The following GPR158 variants were observed in gnomAD, a reference collection of about 807,000 sequenced individuals.
The protein encoded by GPR158 is G protein-coupled receptor 158.
Under a neutral mutation model 78.2 loss-of-function variants are expected in GPR158, and 30 were observed. The observed-to-expected ratio is 0.38, with a 90% CI of 0.29 to 0.52. The LOEUF (loss-of-function observed/expected upper bound fraction) is 0.52. Among genes scored for constraint, GPR158 ranks in the 20% least tolerant of loss-of-function variants. The pLI is 0.83. For synonymous variants in GPR158, 581 were observed against 591.1 expected, an observed-to-expected ratio of 0.98 and a Z score of 0.25; for missense variants, 1,463 against 1,523.5, an observed-to-expected ratio of 0.96 and a Z score of 0.66.
At chr10:25,547,430 A>G (rs1836676960) in intron 5 of GPR158, among the ~76,000 whole-genome samples, 1 of 151,870 alleles carries the variant, frequency 6.6e-6, no homozygotes, top group African/African-American at 2.4e-5. Context: ...TACGCTCCAC[A>G]CTCCGGAACT....
At chr10:25,370,055 T>C (rs1206790111) in intron 2 of GPR158, among the ~76,000 whole-genome samples, 1 of 149,544 alleles carries the variant, frequency 6.7e-6, no homozygotes, top group Middle Eastern at 3.4e-3. Context: ...GATTCTTCTC[T>C]CTTTTTTTCT....
chr10:25,295,531 A>G (rs1854498770), intron 2 of GPR158, among the ~76,000 whole-genome samples: 1 of 151,942 alleles, frequency 6.6e-6, no homozygotes, highest in South Asian at 2.1e-4. Flanking sequence ...CTCCTGCCTC[A>G]GCCTCCCGAG....
At chr10:25,580,465 TGA>T (rs1214590710) in intron 7 of GPR158, among the ~76,000 whole-genome samples, 1 of 152,184 alleles carries the variant, frequency 6.6e-6, no homozygotes, top group Non-Finnish European at 1.5e-5. Flanking sequence ...TCTCTCTCGC[TGA>T]GTTATATAAG....
intron 7 of GPR158, among the ~76,000 whole-genome samples, chr10:25,576,322 T>C (rs1022822777): frequency 5.9e-5 from 9 of 152,188 alleles, no homozygotes; most frequent in African/African-American, 2.2e-4. Context: ...TCCTGAATTA[T>C]GAAGAACTCC....
chr10:25,304,938 GAGTA>G (rs1209100096), intron 2 of GPR158, among the ~76,000 whole-genome samples: 1 of 152,192 alleles, frequency 6.6e-6, no homozygotes, highest in Non-Finnish European at 1.5e-5. Context: ...TGTATTTGAA[GAGTA>G]CATTCTTTTG....
At chr10:25,566,830 T>C (rs886961299) in intron 6 of GPR158, among the ~76,000 whole-genome samples, 2 of 152,166 alleles carry the variant, frequency 1.3e-5, no homozygotes, top group Non-Finnish European at 2.9e-5. Context: ...AAAATGAAAC[T>C]TTGAGAAATT....
intron 2 of GPR158, among the ~76,000 whole-genome samples, chr10:25,276,913 T>C (rs1490250207): frequency 1.3e-5 from 2 of 151,804 alleles, no homozygotes; most frequent in Non-Finnish European, 2.9e-5. Flanking sequence ...GACATTTTTT[T>C]CCCACATCCA....
At chr10:25,242,143 C>T (rs749982348) in intron 2 of GPR158, among the ~76,000 whole-genome samples, 9 of 152,170 alleles carry the variant, frequency 5.9e-5, no homozygotes, top group Non-Finnish European at 8.8e-5. Context: ...GGGGAGGCAG[C>T]AGCTTTTAAT....
intron 2 of GPR158, among the ~76,000 whole-genome samples, chr10:25,227,957 A>G (rs1853397227): frequency 6.6e-6 from 1 of 152,244 alleles, no homozygotes; most frequent in South Asian, 2.1e-4. Context: ...CTAATGTGAT[A>G]TTGGTAGGAA....
In GPR158 at chr10:25,175,896, C is replaced by T. The variant is rs1852523661; in HGVS notation, c.476C>T (p.Ala159Val). 1.2e-6 allele frequency: 2 copies of T among 1,613,742 alleles called. No homozygotes were observed. The highest frequency in any genetic ancestry group is 1.7e-6 in the Non-Finnish European group (2 of 1,180,004). ...CAGGACGACCTGGATTGGTACCAGG[C>T]GCTGGTGTGGAGCCTTCTGGAGGGC... ...NLQDDLDWYQ[A>V]LVWSLLEGEP... The change falls in exon 1 of 11, where the codon GCG (alanine) becomes GTG (valine). Residue 159 changes from alanine to valine, a missense_variant. Ala to Val is a moderately conservative substitution (Grantham distance 64). Transcript: ENST00000376351. This position sits in a 1 kb window ranked among gnomAD's most constrained non-coding sequence, Gnocchi z 6.4.
chr10:25,370,298 G>A (rs1249207160), intron 2 of GPR158, among the ~76,000 whole-genome samples: 2 of 147,322 alleles, frequency 1.4e-5, no homozygotes. Context: ...TTCTCTTGTG[G>A]GCATTTAGTG....
intron 4 of GPR158, among the ~76,000 whole-genome samples, chr10:25,419,862 T>A (rs1390900370): frequency 6.6e-6 from 1 of 152,192 alleles, no homozygotes; most frequent in Non-Finnish European, 1.5e-5. Flanking sequence ...AAGTCTATGT[T>A]ATGGTTCACT....
intron 6 of GPR158, among the ~76,000 whole-genome samples, chr10:25,553,818 A>G (rs1836755026): frequency 6.6e-6 from 1 of 152,192 alleles, no homozygotes; most frequent in Admixed American, 6.5e-5. Flanking sequence ...TGGAACTTCA[A>G]TTCTGCCATT....
At position 25,334,346 on chromosome 10, in the gene GPR158, C is replaced by T. The variant is rs547538199; in HGVS notation, c.1009-61565C>T. ...TATTAAAATAACTCCAAATGGAATG[C>T]ATTGAGAGCTTATTCTGTTATTGCT... is the stretch of plus-strand genomic sequence containing the variant. On this transcript the variant is annotated intron_variant, in intron 2 of 10. Transcript: ENST00000376351. Among the ~76,000 whole-genome samples, 190 of 152,026 alleles carry T rather than the reference C, an allele frequency of 1.2e-3. 1 individual carries two copies. The highest frequency in any genetic ancestry group is 2.4e-3 in the Non-Finnish European group (164 of 67,966).
chr10:25,371,727 A>T (rs910056327), intron 2 of GPR158, among the ~76,000 whole-genome samples: 1 of 135,086 alleles, frequency 7.4e-6, no homozygotes, highest in Non-Finnish European at 1.6e-5. Flanking sequence ...AAAGACTTAA[A>T]CGTTAGACCT....
At chr10:25,445,100 A>G (rs1418393415) in intron 4 of GPR158, among the ~76,000 whole-genome samples, 1 of 152,206 alleles carries the variant, frequency 6.6e-6, no homozygotes, top group Non-Finnish European at 1.5e-5. Context: ...GTATGATTTG[A>G]TAAGGTATTT....
chr10:25,412,358 C>G lies in GPR158; in HGVS notation c.1220C>G (p.Pro407Arg), dbSNP rs778354003. 7 of 1,613,498 alleles carry G rather than the reference C, an allele frequency of 4.3e-6. No homozygotes were observed. The Admixed American group carries it at 1.2e-4, about 27-fold the overall frequency. The change falls in exon 4 of 11, where the codon CCA becomes CGA. Residue 407 changes from proline (P) to arginine (R), a missense_variant. By Grantham distance (103) the Pro-to-Arg change is moderately radical. Transcript: ENST00000376351. ...EGCPFCADDSPCFVQEDKYLR... is the reference protein window; with the variant it reads ...EGCPFCADDSRCFVQEDKYLR... ...TGCCCCTTCTGTGCTGATGACAGCC[C>G]ATGCTTCGTCCAGGAAGATAAGTAT... is the stretch of plus-strand genomic sequence containing the variant.
intron 2 of GPR158, among the ~76,000 whole-genome samples, chr10:25,292,685 A>C (rs1226250850): frequency 6.6e-6 from 1 of 152,170 alleles, no homozygotes; most frequent in Non-Finnish European, 1.5e-5. Flanking sequence ...TATAAGCCTA[A>C]ATTGTACAAA....
intron 4 of GPR158, among the ~76,000 whole-genome samples, chr10:25,457,511 A>G (rs1835307228): frequency 6.6e-6 from 1 of 152,128 alleles, no homozygotes; most frequent in Admixed American, 6.6e-5. Context: ...ATTGGAAGAA[A>G]AAGGAATTTG....
Sources: allele counts gnomAD v4.1 joint callset (sites outside exome capture counted in the v4.1 genomes callset), GRCh38; gene constraint gnomAD v4.1.1; non-coding constraint Gnocchi (gnomAD v3.1); transcripts MANE v1.5; gene names NCBI Gene and HGNC (gene_info 2026-07-23, HGNC 2026-07-21).